WWTR1: variants seen among roughly 807,000 people sequenced by gnomAD.
WWTR1 encodes WW domain containing transcription regulator 1, also known as WW domain-containing transcription regulator protein 1.
In WWTR1, 13 loss-of-function variants were observed where a neutral mutation model predicts 40.1. The ratio of observed to expected loss-of-function variants is 0.32; its 90% CI spans 0.21 to 0.52. WWTR1 has a LOEUF of 0.52. WWTR1 is among the 20% of genes least tolerant of loss of function. WWTR1 has a pLI of 0.97. For synonymous variants in WWTR1, 230 were observed against 210.1 expected, an observed-to-expected ratio of 1.09 and a Z score of -0.82; for missense variants, 436 against 523.1, an observed-to-expected ratio of 0.83 and a Z score of 1.63.
intron 4 of WWTR1, chr3:149,541,133 C>T (rs1371059560): frequency 9.3e-6 from 4 of 430,348 alleles, no homozygotes; most frequent in Non-Finnish European, 1.4e-5. Flanking sequence ...TCATGTGAGT[C>T]ACAAAACAAA....
At position 149,539,619 on chromosome 3, in the gene WWTR1, G is replaced by A. The variant is rs1050148663; in HGVS notation, c.771+2716C>T. On this transcript the variant is annotated intron_variant, in intron 4 of 6. Transcript: ENST00000360632. ...TAGGACAGAGAGAACAAACAGAAGT[G>A]TACAGATAATCTTTAAATTTCACCA... 5.9e-5 allele frequency among the ~76,000 whole-genome samples: 9 copies of A among 152,192 alleles called. 1 individual carries two copies. Among genetic ancestry groups the A allele is most frequent in the Admixed American group, 1.3e-4 (2 of 15,278 alleles).
chr3:149,612,438 A>G (rs938738171), intron 2 of WWTR1, among the ~76,000 whole-genome samples: 2 of 151,740 alleles, frequency 1.3e-5, no homozygotes, highest in African/African-American at 4.8e-5. Flanking sequence ...ATTATTTTGC[A>G]CTGGAAACCT....
intron 2 of WWTR1, among the ~76,000 whole-genome samples, chr3:149,592,993 T>TA (rs1294840393): frequency 2.6e-5 from 4 of 152,064 alleles, no homozygotes; most frequent in South Asian, 2.1e-4. Context: ...CTATCCCTGC[T>TA]AAAAAAAACT....
At chr3:149,622,547 G>GAAAGAAAGAA (rs1740359346) in intron 2 of WWTR1, among the ~76,000 whole-genome samples, 1 of 106,492 alleles carries the variant, frequency 9.4e-6, no homozygotes, top group Non-Finnish European at 2.1e-5. Context: ...GAAAGAAAAA[G>GAAAGAAAGAA]AAAGCAAGCA....
intron 5 of WWTR1, among the ~76,000 whole-genome samples, chr3:149,708,785 T>C (rs1242295306): frequency 2.6e-5 from 4 of 152,218 alleles, no homozygotes; most frequent in Non-Finnish European, 5.9e-5. Context: ...AAGGTGCAGA[T>C]ATCTTTATGA....
chr3:149,536,708 C>T (rs1735853610), intron 4 of WWTR1, among the ~76,000 whole-genome samples: 1 of 151,074 alleles, frequency 6.6e-6, no homozygotes, highest in East Asian at 2.0e-4. Context: ...GCTTAGTCAG[C>T]ATTTTTGTTT....
At chr3:149,616,930 GA>G (rs1442530110) in intron 2 of WWTR1, among the ~76,000 whole-genome samples, 1 of 152,164 alleles carries the variant, frequency 6.6e-6, no homozygotes, top group Non-Finnish European at 1.5e-5. Flanking sequence ...AGGAGGGAGG[GA>G]GGGAGTAAAT....
At chr3:149,597,233 G>A (rs1021707059) in intron 2 of WWTR1, among the ~76,000 whole-genome samples, 2 of 152,068 alleles carry the variant, frequency 1.3e-5, no homozygotes, top group Admixed American at 6.5e-5. Context: ...GTCGTATGCT[G>A]ACAACAATGA....
chr3:149,641,631 C>T (rs1712177953), intron 2 of WWTR1, among the ~76,000 whole-genome samples: 1 of 152,246 alleles, frequency 6.6e-6, no homozygotes, highest in Non-Finnish European at 1.5e-5. Flanking sequence ...CCTCACTCTA[C>T]TTACCTGCCA....
intron 1 of WWTR1, among the ~76,000 whole-genome samples, chr3:149,685,676 C>A (rs1360085378): frequency 6.6e-6 from 1 of 152,182 alleles, no homozygotes; most frequent in Non-Finnish European, 1.5e-5. Flanking sequence ...CTTCTTGATT[C>A]ATCAATTCCT....
At chr3:149,674,064 A>AAAAAAAAAAAAAAAAAAAAAAG (rs1714181350) in intron 1 of WWTR1, among the ~76,000 whole-genome samples, 1 of 151,330 alleles carries the variant, frequency 6.6e-6, no homozygotes, top group East Asian at 1.9e-4. Context: ...TACAAAAAAA[A>AAAAAAAAAAAAAAAAAAAAAAG]AAAAATTAGC....
intron 5 of WWTR1, among the ~76,000 whole-genome samples, chr3:149,711,289 C>T (rs1201442501): frequency 6.6e-6 from 1 of 151,854 alleles, no homozygotes; most frequent in Non-Finnish European, 1.5e-5. Context: ...GAGATCTTGT[C>T]TCTACAAAAG....
intron 2 of WWTR1, among the ~76,000 whole-genome samples, chr3:149,591,977 G>T (rs183290537): frequency 2.0e-5 from 3 of 152,108 alleles, no homozygotes; most frequent in African/African-American, 7.2e-5. Flanking sequence ...AACTGCATCT[G>T]GTATTTCCAC....
chr3:149,568,160 C>T (rs779236920), intron 3 of WWTR1, among the ~76,000 whole-genome samples: 5 of 152,048 alleles, frequency 3.3e-5, no homozygotes, highest in African/African-American at 7.2e-5. Flanking sequence ...CTGAGATGGG[C>T]GGATTGCCTG....
chr3:149,527,795 T>G, intron 5 of WWTR1, 41 bp downstream of exon 5: 1 of 1,611,564 alleles, frequency 6.2e-7, no homozygotes, highest in Non-Finnish European at 8.5e-7. Flanking sequence ...GATCACATAA[T>G]AAAGAGAATA....
intron 2 of WWTR1, among the ~76,000 whole-genome samples, chr3:149,573,605 G>C (rs900204603): frequency 4.6e-5 from 7 of 152,192 alleles, no homozygotes; most frequent in African/African-American, 1.2e-4. Flanking sequence ...CAATAGGGTA[G>C]CTGGAAGGCA....
chr3:149,656,373 A>C (rs1262836288), intron 2 of WWTR1, among the ~76,000 whole-genome samples: 2 of 152,172 alleles, frequency 1.3e-5, no homozygotes, highest in African/African-American at 4.8e-5. Flanking sequence ...TGGGAGCACT[A>C]TGGCCTACCA....
rs1437856252 is a variant in WWTR1 at position 149,699,327 on chromosome 3, C to T, written c.-108+3797G>A. ...TTTTTTTTTGAGATGGAGTTTCGCT[C>T]TTGTTGCCCAGGCTGGAGTGCAATG... On this transcript the variant is annotated intron_variant, in intron 1 of 7. Transcript: ENST00000465804. 2.1e-5 allele frequency among the ~76,000 whole-genome samples: 3 copies of T among 143,220 alleles called. No homozygotes were observed. The Admixed American group carries it at 2.2e-4, about 10-fold the overall frequency. 94.0% of individuals were successfully genotyped at this position (143,220 alleles called of 152,430 possible).
chr3:149,640,263 C>T (rs184270601), intron 2 of WWTR1, among the ~76,000 whole-genome samples: 1 of 152,140 alleles, frequency 6.6e-6, no homozygotes, highest in South Asian at 2.1e-4. Context: ...TGCTCAAAAC[C>T]CATCCAGATC....
Sources: allele counts gnomAD v4.1 joint callset (sites outside exome capture counted in the v4.1 genomes callset), GRCh38; gene constraint gnomAD v4.1.1; transcripts MANE v1.5; gene names NCBI Gene and HGNC (gene_info 2026-07-23, HGNC 2026-07-21).